Variants in PRKN observed in about 807,000 individuals in gnomAD.
PRKN encodes E3 ubiquitin-protein ligase parkin.
PRKN carries 56 observed loss-of-function variants against 59.5 expected under a neutral mutation model. That is an observed-to-expected ratio of 0.94 (90% confidence interval 0.76 to 1.18). The LOEUF (loss-of-function observed/expected upper bound fraction) is 1.18. Ranked by LOEUF, PRKN falls within the 50% of genes most tolerant of loss-of-function variation. The pLI is 0.00. For synonymous variants in PRKN, 250 were observed against 222.1 expected, an observed-to-expected ratio of 1.13 and a Z score of -1.12; for missense variants, 657 against 596.4, an observed-to-expected ratio of 1.10 and a Z score of -1.06.
In PRKN at chr6:162,326,088, A is replaced by C. The variant is rs1721378733; in HGVS notation, c.172-63323T>G. Among the ~76,000 whole-genome samples the C allele has an allele frequency of 2.0e-5, 3 of 152,154 alleles. No individual in the cohort carries two copies. The South Asian group carries it at 6.2e-4, about 32-fold the overall frequency. ...TGTAAAATCCTAACATTCACATTCT[A>C]ATCCTCTGAATGAATGCTGAGTAGG... On this transcript the variant is annotated intron_variant, in intron 2 of 11. Transcript: ENST00000366898.
chr6:162,318,410 T>C (rs1782838271), intron 2 of PRKN, among the ~76,000 whole-genome samples: 1 of 152,056 alleles, frequency 6.6e-6, no homozygotes. Flanking sequence ...CTACTATGAA[T>C]TATACTGCTA....
chr6:161,919,675 G>A (rs1182265403), intron 6 of PRKN, among the ~76,000 whole-genome samples: 2 of 152,194 alleles, frequency 1.3e-5, no homozygotes, highest in Non-Finnish European at 2.9e-5. Context: ...ATTTAAAGGG[G>A]CAGCTGGAGC....
At chr6:162,649,311 G>A (rs1486683716) in intron 1 of PRKN, among the ~76,000 whole-genome samples, 2 of 152,160 alleles carry the variant, frequency 1.3e-5, no homozygotes, top group Non-Finnish European at 2.9e-5. Flanking sequence ...CTAGCAAATT[G>A]TTAGTTAAGG....
intron 9 of PRKN, among the ~76,000 whole-genome samples, chr6:161,481,333 G>A (rs1791387050): frequency 6.6e-6 from 1 of 152,116 alleles, no homozygotes; most frequent in Non-Finnish European, 1.5e-5. Flanking sequence ...GGCTGGGCGC[G>A]TTGGCTCACT....
At chr6:161,626,507 C>T (rs2128152824) in intron 7 of PRKN, among the ~76,000 whole-genome samples, 1 of 152,298 alleles carries the variant, frequency 6.6e-6, no homozygotes, top group East Asian at 1.9e-4. Flanking sequence ...CCTCAGAGTC[C>T]TAGGGCACAT....
rs573550000 is a variant in PRKN, at chr6:161,470,040, A to C, written c.1083+78814T>G. ...ACATCCAACATACATAGTTTCCTTC[A>C]ATTCACCAAGGTAGGCACTCTTAAA... On this transcript the variant is annotated intron_variant, in intron 9 of 11. Coordinates refer to ENST00000366898, the MANE Select transcript of PRKN (RefSeq NM_004562.3). The surrounding 1 kb of genome is among the most constrained non-coding windows in gnomAD (Gnocchi z 5.1). 1.3e-5 allele frequency among the ~76,000 whole-genome samples: 2 copies of C among 152,280 alleles called. No individual in the cohort carries two copies. Among genetic ancestry groups the C allele is most frequent in the East Asian group, 3.9e-4 (2 of 5,174 alleles).
At chr6:161,904,670 C>A (rs542884378) in intron 6 of PRKN, among the ~76,000 whole-genome samples, 1 of 152,198 alleles carries the variant, frequency 6.6e-6, no homozygotes, top group East Asian at 1.9e-4. Flanking sequence ...GGGGGTGGGC[C>A]TCTGTGAAAG....
intron 3 of PRKN, among the ~76,000 whole-genome samples, chr6:162,241,612 C>T (rs1583253569): frequency 1.3e-5 from 2 of 152,044 alleles, no homozygotes; most frequent in African/African-American, 4.8e-5. Flanking sequence ...TAAGTATTTC[C>T]CTATCCTAAA....
At chr6:161,973,479 G>T in intron 5 of PRKN, 62 bp from the exon 6 acceptor site, 1 of 869,818 alleles carries the variant, frequency 1.1e-6, no homozygotes, top group Non-Finnish European at 1.9e-6. Flanking sequence ...TCCTCTAAAT[G>T]TTTCCACAGT....
intron 7 of PRKN, among the ~76,000 whole-genome samples, chr6:161,784,853 AC>A (rs1382279262): frequency 6.6e-6 from 1 of 152,252 alleles, no homozygotes; most frequent in African/African-American, 2.4e-5. Flanking sequence ...GACGGAAACA[AC>A]ACAAATGCCC....
intron 4 of PRKN, among the ~76,000 whole-genome samples, chr6:162,132,145 G>A (rs1174262672): frequency 6.6e-6 from 1 of 152,186 alleles, no homozygotes; most frequent in Non-Finnish European, 1.5e-5. Context: ...TATGCAGTGG[G>A]AACAAACATT....
chr6:161,558,242 T>G (rs1291763223), intron 8 of PRKN, among the ~76,000 whole-genome samples: 1 of 152,112 alleles, frequency 6.6e-6, no homozygotes, highest in Non-Finnish European at 1.5e-5. Context: ...AATACCCAGC[T>G]GCCTCTTTCT....
At chr6:162,653,568 T>C (rs2128226977) in intron 1 of PRKN, among the ~76,000 whole-genome samples, 1 of 152,294 alleles carries the variant, frequency 6.6e-6, no homozygotes, top group East Asian at 1.9e-4. Flanking sequence ...GAATCTTAGG[T>C]GATAGAATTT....
chr6:162,222,969 T>C lies in PRKN; in HGVS notation c.413-21717A>G, dbSNP rs183023705. On this transcript the variant is annotated intron_variant, in intron 3 of 11. Coordinates refer to ENST00000366898, the MANE Select transcript of PRKN (RefSeq NM_004562.3). ...GTGTGCTGCACCCATTAACTCATCA[T>C]TTAGCATTAGGTATTTCTCCTAATG... 4.3e-3 allele frequency among the ~76,000 whole-genome samples: 660 copies of C among 151,750 alleles called. 4 individuals are homozygous for C. Among genetic ancestry groups the C allele is most frequent in the Admixed American group, 0.011 (169 of 15,248 alleles).
intron 2 of PRKN, among the ~76,000 whole-genome samples, chr6:162,284,360 G>A (rs1270308837): frequency 4.0e-5 from 6 of 151,764 alleles, no homozygotes; most frequent in African/African-American, 1.5e-4. Context: ...AAGTAGCTGG[G>A]ATTACAGACA....
intron 1 of PRKN, among the ~76,000 whole-genome samples, chr6:162,708,174 G>A (rs1215508840): frequency 6.6e-6 from 1 of 152,172 alleles, no homozygotes; most frequent in African/African-American, 2.4e-5. Context: ...TGGTTACTAT[G>A]TTTGATTTTT....
intron 4 of PRKN, among the ~76,000 whole-genome samples, chr6:162,073,514 A>G (rs112443071): frequency 1.9e-4 from 29 of 152,180 alleles, no homozygotes; most frequent in African/African-American, 5.8e-4. Flanking sequence ...GTGCAGTGGC[A>G]CGATATGGCT....
intron 7 of PRKN, among the ~76,000 whole-genome samples, chr6:161,652,354 C>T (rs893063682): frequency 1.8e-5 from 2 of 108,472 alleles, no homozygotes; most frequent in African/African-American, 1.4e-4. Context: ...GTACCTGGAA[C>T]ACCATTAATT....
At chr6:162,355,411 A>ATCTATC (rs1562696425) in intron 2 of PRKN, among the ~76,000 whole-genome samples, 8 of 143,970 alleles carry the variant, frequency 5.6e-5, no homozygotes, top group African/African-American at 2.4e-4. Flanking sequence ...ATCTATCTAT[A>ATCTATC]TATATATAAC....
Sources: gnomAD v4.1 joint callset for allele counts (sites outside exome capture counted in the v4.1 genomes callset) on GRCh38, gnomAD v4.1.1 for gene constraint, Gnocchi (gnomAD v3.1) non-coding constraint, MANE v1.5 for transcripts, NCBI Gene and HGNC (gene_info 2026-07-23, HGNC 2026-07-21) for gene names.